The following PSG8 variants were observed in gnomAD, a reference collection of about 807,000 sequenced individuals.
PSG8 encodes pregnancy specific beta-1-glycoprotein 8, also known as pregnancy-specific beta-1-glycoprotein 8.
A neutral mutation model predicts 42.5 loss-of-function variants in PSG8; 57 were observed. That is an observed-to-expected ratio of 1.34 (90% confidence interval 1.08 to 1.67). The LOEUF is 1.67. PSG8 is among the 40% of genes most tolerant of loss of function. The pLI, the probability that PSG8 is intolerant of heterozygous loss-of-function variation, is 0.00. For synonymous variants in PSG8, 280 were observed against 196.8 expected, an observed-to-expected ratio of 1.42 and a Z score of -3.54; for missense variants, 783 against 518.6, an observed-to-expected ratio of 1.51 and a Z score of -4.95.
chr19:42,761,162 C>T (rs1410462373), intron 2 of PSG8, among the ~76,000 whole-genome samples: 1 of 152,180 alleles, frequency 6.6e-6, no homozygotes, highest in Non-Finnish European at 1.5e-5. Flanking sequence ...CTGACTCCAT[C>T]TGGCATCTAG....
chr19:42,755,523 G>C (rs143180830), intron 3 of PSG8: 16 of 770,442 alleles, frequency 2.1e-5, no homozygotes, highest in Non-Finnish European at 3.1e-5. Flanking sequence ...GGACAGACAC[G>C]TCAGTGGAAG....
intron 2 of PSG8, among the ~76,000 whole-genome samples, chr19:42,762,020 T>G (rs1407638419): frequency 1.1e-4 from 17 of 151,366 alleles, no homozygotes; most frequent in Admixed American, 3.9e-4. Context: ...TGGCTCGAGA[T>G]GAAGCCTGGC....
chr19:42,758,546 C>G (rs1265167159), intron 2 of PSG8: 2 of 707,530 alleles, frequency 2.8e-6, no homozygotes, highest in Non-Finnish European at 2.1e-6. Flanking sequence ...GACCAGCAGT[C>G]ACAGCCCCTG....
chr19:42,754,727 C>T lies in PSG8; in HGVS notation c.989-140G>A, dbSNP rs573629770. Reference sequence around the variant, plus strand: ...CCAACCCCCTCTATGTTCACTGAGCCGAATCCTCAGGTATTCACCTGTTTC... The same window carrying T: ...CCAACCCCCTCTATGTTCACTGAGCTGAATCCTCAGGTATTCACCTGTTTC... On this transcript the variant is annotated intron_variant, in intron 4 of 4. Coordinates refer to ENST00000306511, the MANE Select transcript of PSG8 (RefSeq NM_182707.3). 5.1e-5 allele frequency: 67 copies of T among 1,309,122 alleles called. 1 individual carries two copies. The East Asian group carries it at 6.4e-4, about 13-fold the overall frequency. The allele number at this position is 1,309,122 out of a possible 1,614,324, so 81.1% of individuals were successfully genotyped here. A position where few individuals can be genotyped will look rare whatever the true frequency, so the allele number is the denominator to read the frequency against.
At chr19:42,759,662 C>T (rs979697190) in intron 2 of PSG8, among the ~76,000 whole-genome samples, 18 of 152,096 alleles carry the variant, frequency 1.2e-4, no homozygotes, top group Non-Finnish European at 2.2e-4. Flanking sequence ...ATTTGTAATA[C>T]TGTAATTTTC....
At chr19:42,757,443 A>T (rs1485314025) in intron 3 of PSG8, among the ~76,000 whole-genome samples, 1 of 151,968 alleles carries the variant, frequency 6.6e-6, no homozygotes, top group Admixed American at 6.6e-5. Context: ...GATTTGGGGG[A>T]TAAAGAACAC....
Position 42,758,184 on chromosome 19 carries a change from G to C in PSG8, c.527C>G (p.Ala176Gly). 4 of 1,614,036 alleles carry C rather than the reference G, an allele frequency of 2.5e-6. No homozygotes were observed. Among genetic ancestry groups the C allele is most frequent in the Non-Finnish European group, 3.4e-6 (4 of 1,179,964 alleles). The change falls in exon 3 of 5, where the codon GCA becomes GGA. Residue 176 changes from alanine (A) to glycine (G), a missense_variant. Transcript: ENST00000306511. ...SLTCDPETPD[A>G]SYLWWMNGQS... Reference sequence around the variant, plus strand: ...ACCATTCATCCACCACAGGTAGCTTGCGTCCGGAGTCTCAGGATCACAGGT... The same window carrying C: ...ACCATTCATCCACCACAGGTAGCTTCCGTCCGGAGTCTCAGGATCACAGGT...
At chr19:42,755,412 T>C (rs914219957) in intron 3 of PSG8, 146 bp from the exon 4 acceptor site, 80 of 1,432,178 alleles carry the variant, frequency 5.6e-5, no homozygotes, top group Non-Finnish European at 7.0e-5. Context: ...ACAAGACAGA[T>C]GCATGATGAT....
Position 42,764,128 on chromosome 19 carries a change from C to G in PSG8, c.218G>C (p.Arg73Thr), listed in dbSNP as rs767124095. 2 of 1,613,866 alleles carry G rather than the reference C, an allele frequency of 1.2e-6. No homozygotes were observed. The highest frequency in any genetic ancestry group is 1.7e-5 in the Admixed American group (1 of 60,000). ...TGATGTAATGTAATGGTAGAGGTCC[C>G]TGATTTGCCCTTTGTACCAGATGTA... ...TGYIWYKGQI[R>T]DLYHYITSYV... The change falls in exon 2 of 5, where the codon AGG (arginine) becomes ACG (threonine). Residue 73 changes from arginine (R) to threonine (T), a missense_variant. Arg to Thr is a moderately conservative substitution (Grantham distance 71). Transcript: ENST00000306511.
intron 2 of PSG8, among the ~76,000 whole-genome samples, chr19:42,762,124 G>A (rs1184750418): frequency 6.6e-6 from 1 of 151,316 alleles, no homozygotes; most frequent in Non-Finnish European, 1.5e-5. Flanking sequence ...AGAACAGCCA[G>A]CCTAGTCAGA....
intron 3 of PSG8, chr19:42,755,695 A>G: frequency 4.3e-6 from 1 of 232,750 alleles, no homozygotes; most frequent in Non-Finnish European, 8.4e-6. Flanking sequence ...TTCCAAGGAC[A>G]TTCTAGAGAT....
intron 1 of PSG8, among the ~76,000 whole-genome samples, chr19:42,765,207 C>T (rs897313612): frequency 3.3e-5 from 5 of 150,400 alleles, no homozygotes; most frequent in African/African-American, 1.2e-4. Context: ...GGCTGGCGTG[C>T]GATGGCACTA....
chr19:42,757,346 G>C (rs1019400260), intron 3 of PSG8, among the ~76,000 whole-genome samples: 11 of 152,048 alleles, frequency 7.2e-5, no homozygotes, highest in Non-Finnish European at 8.8e-5. Context: ...ACTTACCAGG[G>C]ACTATGATCC....
intron 2 of PSG8, among the ~76,000 whole-genome samples, chr19:42,759,886 G>T (rs1408522211): frequency 1.3e-5 from 2 of 152,138 alleles, no homozygotes; most frequent in African/African-American, 4.8e-5. Context: ...TATGCTCAAA[G>T]AAAGATGCCA....
At chr19:42,755,981 A>T (rs1384001763) in intron 3 of PSG8, 1 of 153,730 alleles carries the variant, frequency 6.5e-6, no homozygotes, top group African/African-American at 2.4e-5. Context: ...GCTTTGGAGC[A>T]GAACTATGTT....
chr19:42,758,021 TG>T lies in PSG8; in HGVS notation c.689del (p.Pro230HisfsTer4), dbSNP rs1360940727. The T allele has an allele frequency of 1.2e-6, 2 of 1,613,984 alleles. No homozygotes were observed. Among genetic ancestry groups the T allele is most frequent in the Admixed American group, 1.7e-5 (1 of 59,996 alleles). On this transcript the variant is annotated frameshift_variant, in exon 3 of 5. Coordinates refer to ENST00000306511, the MANE Select transcript of PSG8 (RefSeq NM_182707.3). LOFTEE classifies it high-confidence loss of function. ...ACTCACGGAGGAGATTCAGGGTGAA[TG>T]GGTCACTGCGGCTGGCACTCACTGG... ...RNPVSASRSD[P>X]FTLNLLPKLP... is the part of the protein sequence containing the mutation.
At chr19:42,753,860 A>C (rs1187800072), downstream of PSG8, 4 of 468,774 alleles carry the variant, frequency 8.5e-6, no homozygotes, top group Non-Finnish European at 1.7e-5. Context: ...GTATTACCAT[A>C]AACATATCAA....
intron 3 of PSG8, among the ~76,000 whole-genome samples, chr19:42,757,622 G>A (rs1235028506): frequency 6.6e-6 from 1 of 152,120 alleles, no homozygotes; most frequent in Non-Finnish European, 1.5e-5. Context: ...TAATGTCACA[G>A]GCGATATTTT....
intron 1 of PSG8, 28 bp downstream of exon 1, chr19:42,765,490 G>C: frequency 6.2e-7 from 1 of 1,608,398 alleles, no homozygotes; most frequent in Non-Finnish European, 8.5e-7. Flanking sequence ...TCCTCCTCCT[G>C]TCCTCTCCCA....
Sources: gnomAD v4.1 joint callset for allele counts (sites outside exome capture counted in the v4.1 genomes callset) on GRCh38, gnomAD v4.1.1 for gene constraint, MANE v1.5 for transcripts, NCBI Gene and HGNC (gene_info 2026-07-23, HGNC 2026-07-21) for gene names.